SPEF2: variants seen among roughly 807,000 people sequenced by gnomAD.
The protein encoded by SPEF2 is sperm flagella and cilia-associated protein 2.
A neutral mutation model predicts 224.6 loss-of-function variants in SPEF2; 187 were observed. That is an observed-to-expected ratio of 0.83 (90% CI 0.74 to 0.94). The LOEUF is 0.94. Ranked by LOEUF, SPEF2 falls within the 40% of genes least tolerant of loss-of-function variation. The pLI is 0.00. For missense variants in SPEF2, 2,170 were observed against 2,135.6 expected (o/e 1.02, Z -0.32); for synonymous variants, 715 against 707.3 (o/e 1.01, Z -0.17).
intron 10 of SPEF2, among the ~76,000 whole-genome samples, chr5:35,678,104 T>C (rs1439575440): frequency 6.6e-6 from 1 of 152,232 alleles, no homozygotes; most frequent in Non-Finnish European, 1.5e-5. Flanking sequence ...ATAAGGTAGA[T>C]GCAGTCTACT....
intron 8 of SPEF2, among the ~76,000 whole-genome samples, chr5:35,664,765 A>G (rs1446772026): frequency 3.0e-5 from 4 of 133,522 alleles, no homozygotes; most frequent in Non-Finnish European, 4.7e-5. Context: ...AGGAAGGAGG[A>G]GAGAGAGAGA....
intron 18 of SPEF2, among the ~76,000 whole-genome samples, chr5:35,708,706 ACT>A (rs1740488420): frequency 2.7e-4 from 2 of 7,406 alleles, no homozygotes; most frequent in East Asian, 3.7e-3. Context: ...CATCACCACC[ACT>A]ACCCATCAAC....
At chr5:35,757,597 A>G (rs948753718) in intron 24 of SPEF2, among the ~76,000 whole-genome samples, 2 of 151,690 alleles carry the variant, frequency 1.3e-5, no homozygotes, top group African/African-American at 2.4e-5. Flanking sequence ...GCAAGTTCTT[A>G]TAAGTATAAT....
intron 30 of SPEF2, chr5:35,788,116 T>C (rs1580737195): frequency 2.8e-6 from 2 of 703,012 alleles, no homozygotes; most frequent in Non-Finnish European, 5.2e-6. Context: ...AATTTCTCAA[T>C]GCACATCATC....
chr5:35,704,408 C>G (rs1739329664), intron 16 of SPEF2, 146 bp from the exon 17 acceptor site: 4 of 542,796 alleles, frequency 7.4e-6, no homozygotes, highest in Non-Finnish European at 1.3e-5. Context: ...AAACTATACT[C>G]TTTCAACATC....
intron 26 of SPEF2, among the ~76,000 whole-genome samples, chr5:35,768,823 G>A (rs957923928): frequency 1.3e-5 from 2 of 152,068 alleles, no homozygotes. Flanking sequence ...ATTGTTGTGG[G>A]GCAAATAGCA....
chr5:35,654,843 A>T, intron 7 of SPEF2, 117 bp downstream of exon 7: 2 of 829,302 alleles, frequency 2.4e-6, no homozygotes, highest in Non-Finnish European at 3.5e-6. Flanking sequence ...ATCAAATGTC[A>T]CTTTCACATC....
At chr5:35,675,333 G>A (rs1199795772) in intron 10 of SPEF2, among the ~76,000 whole-genome samples, 2 of 152,156 alleles carry the variant, frequency 1.3e-5, no homozygotes, top group Non-Finnish European at 2.9e-5. Flanking sequence ...GAAAGGAGCT[G>A]GGAAGGAAGA....
At chr5:35,766,572 TA>T (rs1472951186) in intron 26 of SPEF2, among the ~76,000 whole-genome samples, 1 of 152,128 alleles carries the variant, frequency 6.6e-6, no homozygotes, top group East Asian at 1.9e-4. Context: ...GCCAGATGTT[TA>T]TCAGTTATAC....
At chr5:35,702,285 C>T (rs1416819180) in intron 16 of SPEF2, 4 of 456,168 alleles carry the variant, frequency 8.8e-6, no homozygotes, top group Middle Eastern at 3.3e-4. Flanking sequence ...TCCAAAGCCA[C>T]GTGGGCTACA....
At chr5:35,784,785 A>C (rs1754870650) in intron 30 of SPEF2, among the ~76,000 whole-genome samples, 1 of 152,050 alleles carries the variant, frequency 6.6e-6, no homozygotes, top group African/African-American at 2.4e-5. Flanking sequence ...AAGAACATGC[A>C]GGAGAGGATT....
intron 36 of SPEF2, chr5:35,808,270 T>C (rs968606357): frequency 5.0e-5 from 33 of 653,800 alleles, no homozygotes; most frequent in Non-Finnish European, 6.1e-5. Flanking sequence ...TTAATTATAC[T>C]TTAAGTTCTA....
chr5:35,785,019 T>C (rs1754904858), intron 30 of SPEF2, among the ~76,000 whole-genome samples: 2 of 152,280 alleles, frequency 1.3e-5, no homozygotes, highest in South Asian at 4.1e-4. Context: ...AAAAATACAA[T>C]ATTATGTATT....
At chr5:35,756,890 A>G (rs1162934483) in intron 24 of SPEF2, among the ~76,000 whole-genome samples, 14 of 152,056 alleles carry the variant, frequency 9.2e-5, no homozygotes, top group Admixed American at 8.5e-4. Flanking sequence ...TTTCCACACT[A>G]TTTGACCTTG....
At chr5:35,666,766 C>G (rs1352369356) in intron 8 of SPEF2, among the ~76,000 whole-genome samples, 1 of 152,172 alleles carries the variant, frequency 6.6e-6, no homozygotes, top group Non-Finnish European at 1.5e-5. Context: ...CCGGTGAACT[C>G]AGGACTTCTT....
At position 35,697,687 on chromosome 5, in the gene SPEF2, C is replaced by A. The variant is rs759642860; in HGVS notation, c.2038-3C>A. 1 of 1,606,522 alleles carries A rather than the reference C, an allele frequency of 6.2e-7. No individual in the cohort carries two copies. Among genetic ancestry groups the A allele is most frequent in the African/African-American group, 1.3e-5 (1 of 74,368 alleles). Reference sequence around the variant, plus strand: ...TTCTGTCATTTCTTGTTTATTTTCCCAGCTCACTACACGTGCTCAGCTTGG... The same window carrying A: ...TTCTGTCATTTCTTGTTTATTTTCCAAGCTCACTACACGTGCTCAGCTTGG... On this transcript the variant is annotated splice_polypyrimidine_tract_variant and splice_region_variant and intron_variant, in intron 14 of 36. Transcript: ENST00000356031.
chr5:35,641,328 T>G, intron 2 of SPEF2, 103 bp from the exon 3 acceptor site: 1 of 1,325,100 alleles, frequency 7.5e-7, no homozygotes, highest in Non-Finnish European at 1.0e-6. Flanking sequence ...TAAAAGGACA[T>G]GAAATAATTC....
At chr5:35,710,808 A>C (rs1030744020) in intron 19 of SPEF2, 61 of 985,034 alleles carry the variant, frequency 6.2e-5, no homozygotes, top group Non-Finnish European at 6.4e-5. Flanking sequence ...ATATTCTTGA[A>C]TACTGTGCAT....
At chr5:35,664,540 T>C (rs886325723) in intron 8 of SPEF2, among the ~76,000 whole-genome samples, 1 of 151,854 alleles carries the variant, frequency 6.6e-6, no homozygotes, top group African/African-American at 2.4e-5. Flanking sequence ...ATTAGCCAGG[T>C]GTGATGGTGT....
Sources: gnomAD v4.1 joint callset for allele counts (sites outside exome capture counted in the v4.1 genomes callset) on GRCh38, gnomAD v4.1.1 for gene constraint, MANE v1.5 for transcripts, NCBI Gene and HGNC (gene_info 2026-07-23, HGNC 2026-07-21) for gene names.